The following CELSR1 variants were observed in gnomAD, a reference collection of about 807,000 sequenced individuals.
CELSR1 encodes the protein adhesion G protein-coupled receptor C1.
In CELSR1, 110 loss-of-function variants were observed where a neutral mutation model predicts 249.1. The observed-to-expected ratio is 0.44, with a 90% CI of 0.38 to 0.52. CELSR1 has a LOEUF of 0.52. Among genes scored for constraint, CELSR1 ranks in the 20% least tolerant of loss-of-function variants. The pLI is 0.00. For synonymous variants in CELSR1, 2,113 were observed against 1,900.0 expected, an observed-to-expected ratio of 1.11 and a Z score of -2.92; for missense variants, 4,109 against 4,296.4, an observed-to-expected ratio of 0.96 and a Z score of 1.22.
rs147651051 is a variant in CELSR1, at chr22:46,535,072, G to C, written c.2099C>G (p.Ala700Gly). 1.2e-6 allele frequency: 2 copies of C among 1,612,124 alleles called. No individual in the cohort carries two copies. The highest frequency in any genetic ancestry group is 1.7e-6 in the Non-Finnish European group (2 of 1,179,900). The change falls in exon 1 of 35, where the codon GCG (alanine) becomes GGG (glycine). Residue 700 changes from alanine (A) to glycine (G), a missense_variant. By Grantham distance (60) the Ala-to-Gly change is moderately conservative (BLOSUM62 0). Around this residue, in one of 7 missense-constraint regions of CELSR1, gnomAD observed 886 missense variants for 896.5 expected, o/e 0.99. Transcript: ENST00000674500. ...PTYELRLNED[A>G]AVGSSVLTLQ... is the part of the protein sequence containing the mutation. ...GGTCAGCACGCTGCTCCCCACGGCC[G>C]CATCCTCATTCAGACGAAGCTCGTA...
rs140094534 is a variant in CELSR1 at position 46,506,918 on chromosome 22, G to A, written c.3544+26709C>T. On this transcript the variant is annotated intron_variant, in intron 1 of 34. Coordinates refer to ENST00000674500, the MANE Select transcript of CELSR1 (RefSeq NM_001378328.1). This position sits in a 1 kb window ranked among gnomAD's most constrained non-coding sequence, Gnocchi z 4.1. ...CAACACATAAAAACCGATTCCAGGCGGGGCGTGGTGGCTCACGTTTGTAAT... is the reference window on the plus strand; with the variant it reads ...CAACACATAAAAACCGATTCCAGGCAGGGCGTGGTGGCTCACGTTTGTAAT... 1.2e-4 allele frequency among the ~76,000 whole-genome samples: 19 copies of A among 152,060 alleles called. No individual in the cohort carries two copies. The highest frequency in any genetic ancestry group is 2.7e-4 in the African/African-American group (11 of 41,402).
chr22:46,386,990 T>G (rs2079040833), intron 18 of CELSR1, among the ~76,000 whole-genome samples: 1 of 152,152 alleles, frequency 6.6e-6, no homozygotes, highest in Non-Finnish European at 1.5e-5. Context: ...ACTCCTGACC[T>G]CAGGTGATTC....
At chr22:46,382,145 G>A in intron 20 of CELSR1, 95 bp from the exon 21 acceptor site, 1 of 1,168,072 alleles carries the variant, frequency 8.6e-7, no homozygotes. Context: ...AAAACCAACA[G>A]ATGTCCCACA....
intron 2 of CELSR1, among the ~76,000 whole-genome samples, chr22:46,456,555 C>T (rs574293692): frequency 1.1e-4 from 17 of 148,178 alleles, no homozygotes; most frequent in African/African-American, 3.0e-4. Flanking sequence ...CCCAGCTACT[C>T]GGGAGGCTGA....
intron 2 of CELSR1, among the ~76,000 whole-genome samples, chr22:46,456,662 A>T (rs58718474): frequency 0.076 from 4,077 of 53,718 alleles, 191 homozygotes; most frequent in African/African-American, 0.3. Flanking sequence ...GACTCTGTCT[A>T]AAAAAAAAAA....
chr22:46,436,128 A>G lies in CELSR1; in HGVS notation c.4522+46T>C. On this transcript the variant is annotated intron_variant, in intron 4 of 34. Coordinates refer to ENST00000674500, the MANE Select transcript of CELSR1 (RefSeq NM_001378328.1). The surrounding 1 kb of genome is among the most constrained non-coding windows in gnomAD (Gnocchi z 5.9). ...CGAGGGTCGTTTTAACCCACAAAGT[A>G]TCTGTGAATTGCTCAGAGCTGCCCT... 2 of 1,502,436 alleles carry G rather than the reference A, an allele frequency of 1.3e-6. No individual in the cohort carries two copies. Among genetic ancestry groups the G allele is most frequent in the Non-Finnish European group, 1.9e-6 (2 of 1,080,384 alleles). The allele number at this position is 1,502,436 out of a possible 1,614,324, so 93.1% of individuals were successfully genotyped here.
At position 46,407,304 on chromosome 22, in the gene CELSR1, C is replaced by T. The variant is rs2079277493; in HGVS notation, c.5226+1692G>A. On this transcript the variant is annotated intron_variant, in intron 9 of 34. Coordinates refer to ENST00000674500, the MANE Select transcript of CELSR1 (RefSeq NM_001378328.1). The surrounding 1 kb of genome is among the most constrained non-coding windows in gnomAD (Gnocchi z 4.8). ...ATGCACATACACAGACTGACATGCACACACACTTGCACGGAGATATGCGCA... is the reference window on the plus strand; with the variant it reads ...ATGCACATACACAGACTGACATGCATACACACTTGCACGGAGATATGCGCA... Among the ~76,000 whole-genome samples, 1 of 152,142 alleles carries T rather than the reference C, an allele frequency of 6.6e-6. No individual in the cohort carries two copies. The highest frequency in any genetic ancestry group is 1.5e-5 in the Non-Finnish European group (1 of 68,040).
intron 1 of CELSR1, 82 bp downstream of exon 1, chr22:46,533,545 C>G: frequency 6.7e-7 from 1 of 1,493,216 alleles, no homozygotes; most frequent in Non-Finnish European, 8.9e-7. Flanking sequence ...CCCCGGCATG[C>G]CAGGCGGAGC....
At chr22:46,450,599 C>G (rs2079872399) in intron 2 of CELSR1, among the ~76,000 whole-genome samples, 1 of 152,234 alleles carries the variant, frequency 6.6e-6, no homozygotes, top group Admixed American at 6.5e-5. Flanking sequence ...GGAGTTAAGC[C>G]TGCATCTGCC....
chr22:46,463,266 T>A (rs3788699), intron 2 of CELSR1, among the ~76,000 whole-genome samples: 118,350 of 152,198 alleles, frequency 0.78, 46,261 homozygotes, highest in East Asian at 0.95. Flanking sequence ...CTGTAATCCC[T>A]GCTCTCTGGG....
intron 3 of CELSR1, among the ~76,000 whole-genome samples, chr22:46,438,113 A>G (rs1230270462): frequency 6.6e-6 from 1 of 152,118 alleles, no homozygotes; most frequent in African/African-American, 2.4e-5. Context: ...AGGGACCCAA[A>G]GCCGAGGGGA....
In CELSR1 at chr22:46,518,693, C is replaced by A. The variant is rs559702569; in HGVS notation, c.3544+14934G>T. 5.1e-4 allele frequency among the ~76,000 whole-genome samples: 78 copies of A among 152,298 alleles called. No homozygotes were observed. The highest frequency in any genetic ancestry group is 1.8e-3 in the African/African-American group (76 of 41,562). Reference sequence around the variant, plus strand: ...GCTGCGGTCTCTGCCTCCATCTTCACGTTGTGGCCTCCTCATTGTGTGTCT... The same window carrying A: ...GCTGCGGTCTCTGCCTCCATCTTCAAGTTGTGGCCTCCTCATTGTGTGTCT... On this transcript the variant is annotated intron_variant, in intron 1 of 34. Transcript: ENST00000674500. This position sits in a 1 kb window ranked among gnomAD's most constrained non-coding sequence, Gnocchi z 5.2.
rs1229511929 is a variant in CELSR1, at chr22:46,518,830, C to T, written c.3544+14797G>A. Among the ~76,000 whole-genome samples, 1 of 152,088 alleles carries T rather than the reference C, an allele frequency of 6.6e-6. No homozygotes were observed. Among genetic ancestry groups the T allele is most frequent in the African/African-American group, 2.4e-5 (1 of 41,406 alleles). On this transcript the variant is annotated intron_variant, in intron 1 of 34. Transcript: ENST00000674500. This position sits in a 1 kb window ranked among gnomAD's most constrained non-coding sequence, Gnocchi z 5.2. Reference sequence around the variant, plus strand: ...GGTGGATCACTTGAGGTCAGGAGTTCGAGACCAGCCTGGCAAACCTGGAGA... The same window carrying T: ...GGTGGATCACTTGAGGTCAGGAGTTTGAGACCAGCCTGGCAAACCTGGAGA...
At chr22:46,422,456 G>A (rs1041358172) in intron 5 of CELSR1, among the ~76,000 whole-genome samples, 3 of 151,288 alleles carry the variant, frequency 2.0e-5, no homozygotes, top group African/African-American at 4.9e-5. Context: ...AACCAGGGCC[G>A]GGCGCAGTGG....
rs2080748913 is a variant in CELSR1, at chr22:46,527,407, C to T, written c.3544+6220G>A. On this transcript the variant is annotated intron_variant, in intron 1 of 34. Transcript: ENST00000674500. The surrounding 1 kb of genome is among the most constrained non-coding windows in gnomAD (Gnocchi z 5.5). ...AAACCCTCCACAGTCAGCCCTCTCT[C>T]GACCCGGGGGATCCATCTGACTCCC... Among the ~76,000 whole-genome samples, 1 of 152,198 alleles carries T rather than the reference C, an allele frequency of 6.6e-6. No homozygotes were observed. The highest frequency in any genetic ancestry group is 1.9e-4 in the East Asian group (1 of 5,194).
In CELSR1 at chr22:46,433,547, T is replaced by G; in HGVS notation, c.4523-66A>C. 1 of 1,303,018 alleles carries G rather than the reference T, an allele frequency of 7.7e-7. No homozygotes were observed. The allele number at this position is 1,303,018 out of a possible 1,614,324, so 80.7% of individuals were successfully genotyped here. ...GGCGGGGCCTACTGGGGACCGAGGA[T>G]TGCGCTGTGAGGCATCAGGGGGAGA... On this transcript the variant is annotated intron_variant, in intron 4 of 34. Coordinates refer to ENST00000674500, the MANE Select transcript of CELSR1 (RefSeq NM_001378328.1). The surrounding 1 kb of genome is among the most constrained non-coding windows in gnomAD (Gnocchi z 5.7).
chr22:46,537,092 G>C lies in CELSR1; in HGVS notation c.79C>G (p.Arg27Gly). 1.9e-6 allele frequency: 2 copies of C among 1,043,764 alleles called. No individual in the cohort carries two copies. Among genetic ancestry groups the C allele is most frequent in the Non-Finnish European group, 2.3e-6 (2 of 870,956 alleles). The allele number at this position is 1,043,764 out of a possible 1,614,324, so 64.7% of individuals were successfully genotyped here. Residue 27 changes from arginine (R) to glycine (G), a missense_variant, in exon 1 of 35, where the codon CGA (arginine) becomes GGA (glycine). Arg to Gly is a moderately radical substitution (Grantham distance 125, BLOSUM62 -2). Transcript: ENST00000674500. This position sits in a 1 kb window ranked among gnomAD's most constrained non-coding sequence, Gnocchi z 5.8. Reference protein sequence around the residue: ...AAAALPAMGLRAAAWEPRVPG... With the variant: ...AAAALPAMGLGAAAWEPRVPG... ...ACGCGCGGCTCCCAGGCGGCCGCTC[G>C]CAGCCCCATCGCCGGCAGGGCGGCG...
Position 46,436,311 on chromosome 22 carries a change from C to T in CELSR1, c.4407-22G>A. 6.3e-7 allele frequency: 1 copy of T among 1,596,214 alleles called. No homozygotes were observed. The highest frequency in any genetic ancestry group is 8.6e-7 in the Non-Finnish European group (1 of 1,164,236). ...AAACCTGTGGGGCCAAGCAGAGGCA[C>T]ATCACAGGATGAAGACCCCAGGGTC... On this transcript the variant is annotated intron_variant, in intron 3 of 34. Coordinates refer to ENST00000674500, the MANE Select transcript of CELSR1 (RefSeq NM_001378328.1). The surrounding 1 kb of genome is among the most constrained non-coding windows in gnomAD (Gnocchi z 5.9).
In CELSR1 at chr22:46,512,663, C is replaced by T. The variant is rs1388356551; in HGVS notation, c.3544+20964G>A. 3.9e-5 allele frequency among the ~76,000 whole-genome samples: 6 copies of T among 152,210 alleles called. No homozygotes were observed. Among genetic ancestry groups the T allele is most frequent in the South Asian group, 2.1e-4 (1 of 4,832 alleles). ...TCAAATGGCCTCACCACAGGTCCCC[C>T]GCCCCACTCTGCTCCTTCGGATAAG... is the stretch of plus-strand genomic sequence containing the variant. On this transcript the variant is annotated intron_variant, in intron 1 of 34. Transcript: ENST00000674500. This position sits in a 1 kb window ranked among gnomAD's most constrained non-coding sequence, Gnocchi z 5.2.
Sources: gnomAD v4.1 joint callset for allele counts (sites outside exome capture counted in the v4.1 genomes callset) on GRCh38, gnomAD v4.1.1 for gene constraint, gnomAD v4.1.1 regional missense constraint, Gnocchi (gnomAD v3.1) non-coding constraint, MANE v1.5 for transcripts, NCBI Gene and HGNC (gene_info 2026-07-23, HGNC 2026-07-21) for gene names.